The following FAM13A variants were observed in gnomAD, a reference collection of about 807,000 sequenced individuals.
FAM13A encodes the protein protein FAM13A.
Under a neutral mutation model 129.6 loss-of-function variants are expected in FAM13A, and 76 were observed. The ratio of observed to expected loss-of-function variants is 0.59; its 90% CI spans 0.49 to 0.71. The LOEUF (loss-of-function observed/expected upper bound fraction) is 0.71. Among genes scored for constraint, FAM13A ranks in the 30% least tolerant of loss-of-function variants. FAM13A has a pLI of 0.00. For missense variants in FAM13A, 1,108 were observed against 1,249.3 expected (o/e 0.89, Z 1.70); for synonymous variants, 443 against 449.9 (o/e 0.98, Z 0.20).
intron 3 of FAM13A, 26 bp from the exon 4 acceptor site, chr4:88,991,176 T>C (rs758772608): frequency 1.9e-6 from 3 of 1,575,324 alleles, no homozygotes; most frequent in Non-Finnish European, 2.6e-6. Flanking sequence ...ATAAAAATGT[T>C]CTAAGGTATA....
chr4:88,910,975 C>G (rs1231926766), intron 5 of FAM13A, among the ~76,000 whole-genome samples: 1 of 152,198 alleles, frequency 6.6e-6, no homozygotes, highest in Admixed American at 6.5e-5. Flanking sequence ...GTCCATCTCA[C>G]CCTACTCTGT....
chr4:88,864,192 T>C (rs899383361), intron 6 of FAM13A, among the ~76,000 whole-genome samples: 1 of 152,220 alleles, frequency 6.6e-6, no homozygotes, highest in East Asian at 1.9e-4. Flanking sequence ...AGGAATGCTA[T>C]ATTGATGTGG....
At chr4:88,938,405 T>C (rs960012982) in intron 4 of FAM13A, among the ~76,000 whole-genome samples, 164 bp from the exon 5 acceptor site, 5 of 152,148 alleles carry the variant, frequency 3.3e-5, no homozygotes, top group African/African-American at 7.2e-5. Flanking sequence ...GTTGGGGCAA[T>C]TGGAGAGTTC....
chr4:88,945,964 C>CTGTGTGTGTG (rs763159585), intron 4 of FAM13A, among the ~76,000 whole-genome samples: 1,463 of 70,036 alleles, frequency 0.021, 82 homozygotes, highest in Non-Finnish European at 0.026. Context: ...CACATAGTAT[C>CTGTGTGTGTG]TGTGTGTGTG....
intron 5 of FAM13A, among the ~76,000 whole-genome samples, chr4:88,911,373 G>C (rs1191006319): frequency 6.6e-6 from 1 of 152,148 alleles, no homozygotes; most frequent in Non-Finnish European, 1.5e-5. Context: ...CAAAAACTTT[G>C]GATGGGCCCT....
intron 5 of FAM13A, among the ~76,000 whole-genome samples, chr4:88,934,748 A>C (rs1753583797): frequency 6.6e-6 from 1 of 152,250 alleles, no homozygotes; most frequent in African/African-American, 2.4e-5. Context: ...AGAGAAAAGA[A>C]ACCTCCAACT....
chr4:88,766,302 C>G (rs1745696534), intron 13 of FAM13A, among the ~76,000 whole-genome samples: 3 of 152,068 alleles, frequency 2.0e-5, no homozygotes, highest in Admixed American at 6.6e-5. Context: ...GAAACATGAT[C>G]TTTAAAAGGA....
At chr4:88,973,586 T>TATTA (rs34138095) in intron 4 of FAM13A, among the ~76,000 whole-genome samples, 104,932 of 151,626 alleles carry the variant, frequency 0.69, 36,410 homozygotes, top group Middle Eastern at 0.8. Context: ...GCCCTTATCC[T>TATTA]ATTGTTTTAA....
chr4:88,732,281 T>A, intron 21 of FAM13A, 83 bp from the exon 22 acceptor site: 4 of 957,882 alleles, frequency 4.2e-6, no homozygotes, highest in Non-Finnish European at 6.3e-6. Flanking sequence ...AATAATCATT[T>A]AATTATCAGA....
At chr4:88,806,305 T>G (rs1363044980) in intron 7 of FAM13A, among the ~76,000 whole-genome samples, 1 of 152,194 alleles carries the variant, frequency 6.6e-6, no homozygotes, top group Non-Finnish European at 1.5e-5. Context: ...TCACCTGGGG[T>G]GTACACCACC....
chr4:88,850,201 T>C (rs1737316339), intron 7 of FAM13A, among the ~76,000 whole-genome samples: 1 of 152,158 alleles, frequency 6.6e-6, no homozygotes, highest in South Asian at 2.1e-4. Context: ...ATAGTAATTC[T>C]AGTAGTAAAT....
intron 20 of FAM13A, 52 bp from the exon 21 acceptor site, chr4:88,737,607 C>T: frequency 6.9e-7 from 1 of 1,456,622 alleles, no homozygotes; most frequent in Non-Finnish European, 9.6e-7. Flanking sequence ...TTCCCTTTCC[C>T]TCCAGCTCTC....
intron 4 of FAM13A, among the ~76,000 whole-genome samples, chr4:88,984,173 A>G (rs1482281619): frequency 6.6e-6 from 1 of 152,206 alleles, no homozygotes; most frequent in African/African-American, 2.4e-5. Context: ...AGACCTAAAC[A>G]TAACAGTCAT....
At chr4:88,847,896 T>C (rs1034497437) in intron 7 of FAM13A, among the ~76,000 whole-genome samples, 2 of 151,046 alleles carry the variant, frequency 1.3e-5, no homozygotes, top group Non-Finnish European at 2.9e-5. Flanking sequence ...GAGATTGCAG[T>C]GAGCAGAGAT....
intron 3 of FAM13A, among the ~76,000 whole-genome samples, chr4:88,995,290 G>T (rs1042145099): frequency 1.3e-5 from 2 of 151,682 alleles, no homozygotes; most frequent in Non-Finnish European, 2.9e-5. Context: ...AATATTGAGT[G>T]TCAACTTGAC....
chr4:88,751,776 T>C (rs1161124937), intron 14 of FAM13A, among the ~76,000 whole-genome samples: 1 of 152,196 alleles, frequency 6.6e-6, no homozygotes, highest in Non-Finnish European at 1.5e-5. Context: ...GTCGATGATA[T>C]AAGGTATTTC....
At chr4:88,823,147 C>T (rs1355831143) in intron 7 of FAM13A, 16 of 1,501,998 alleles carry the variant, frequency 1.1e-5, no homozygotes, top group Admixed American at 2.4e-5. Context: ...AAACAACTTG[C>T]TCTGCAGTTG....
intron 14 of FAM13A, among the ~76,000 whole-genome samples, chr4:88,758,237 C>T (rs1744089071): frequency 6.6e-6 from 1 of 152,024 alleles, no homozygotes; most frequent in South Asian, 2.1e-4. Context: ...TGCATGTATT[C>T]AGTGTTCTTT....
chr4:88,908,877 G>C (rs980893273), intron 5 of FAM13A, among the ~76,000 whole-genome samples: 1 of 152,154 alleles, frequency 6.6e-6, no homozygotes, highest in African/African-American at 2.4e-5. Context: ...CAGCGAGCAA[G>C]GGGGCTGCAG....
Sources: gnomAD v4.1 joint callset for allele counts (sites outside exome capture counted in the v4.1 genomes callset) on GRCh38, gnomAD v4.1.1 for gene constraint, MANE v1.5 for transcripts, NCBI Gene and HGNC (gene_info 2026-07-23, HGNC 2026-07-21) for gene names.